The following PDE4D variants were observed in gnomAD, a reference collection of about 807,000 sequenced individuals.
The protein encoded by PDE4D is 3',5'-cyclic-AMP phosphodiesterase 4D.
Under a neutral mutation model 87.4 loss-of-function variants are expected in PDE4D, and 24 were observed. The ratio of observed to expected loss-of-function variants is 0.27; its 90% CI spans 0.20 to 0.39. The LOEUF is 0.39. Ranked by LOEUF, PDE4D falls within the 10% of genes least tolerant of loss-of-function variation. PDE4D has a pLI of 1.00. For missense variants in PDE4D, 714 were observed against 1,041.0 expected, an observed-to-expected ratio of 0.69 and a Z score of 4.32; for synonymous variants, 384 against 383.2, an observed-to-expected ratio of 1.00 and a Z score of -0.02.
chr5:60,261,872 C>T (rs1749678540), intron 1 of PDE4D, among the ~76,000 whole-genome samples: 2 of 151,948 alleles, frequency 1.3e-5, no homozygotes, highest in African/African-American at 4.8e-5. Flanking sequence ...CTTGAACATC[C>T]CCCAACCCTG....
At chr5:59,976,739 C>T (rs1425363879) in intron 3 of PDE4D, among the ~76,000 whole-genome samples, 1 of 152,176 alleles carries the variant, frequency 6.6e-6, no homozygotes, top group Non-Finnish European at 1.5e-5. Context: ...CTGCATCAAG[C>T]AAGTCTATTG....
intron 1 of PDE4D, among the ~76,000 whole-genome samples, chr5:59,699,798 GTAT>G (rs1349325671): frequency 6.6e-6 from 1 of 151,990 alleles, no homozygotes; most frequent in Non-Finnish European, 1.5e-5. Context: ...TAGCAAAAAG[GTAT>G]TTATTTTTTC....
chr5:58,974,104 T>C lies in PDE4D; in HGVS notation c.*560A>G. 1 of 152,562 alleles carries C rather than the reference T, an allele frequency of 6.6e-6. No individual in the cohort carries two copies. The highest frequency in any genetic ancestry group is 1.9e-4 in the East Asian group (1 of 5,196). The allele number at this position is 152,562 out of a possible 1,614,324, so 9.5% of individuals were successfully genotyped here. A position where few individuals can be genotyped will look rare whatever the true frequency, so the allele number is the denominator to read the frequency against. ...TACAAAAAATCTGTTTTACATATCA[T>C]ACAAAATGTAGAGGTCAGTGCAGCT... On this transcript the variant is annotated 3_prime_UTR_variant, in exon 15 of 15. Transcript: ENST00000340635.
chr5:59,949,094 A>ATG (rs58018730), intron 3 of PDE4D, among the ~76,000 whole-genome samples: 1 of 152,120 alleles, frequency 6.6e-6, no homozygotes, highest in East Asian at 1.9e-4. Flanking sequence ...ATATGTGTGC[A>ATG]TGTGTGTGTG....
chr5:60,318,514 T>C (rs1294333485), intron 1 of PDE4D, among the ~76,000 whole-genome samples: 5 of 152,250 alleles, frequency 3.3e-5, no homozygotes, highest in Non-Finnish European at 7.3e-5. Flanking sequence ...TGTGTGAATT[T>C]GATCCTGTCA....
intron 5 of PDE4D, among the ~76,000 whole-genome samples, chr5:59,170,062 G>T (rs576448877): frequency 6.6e-6 from 1 of 152,250 alleles, no homozygotes; most frequent in East Asian, 1.9e-4. Flanking sequence ...ACAGAGTTTT[G>T]CTCTGTAGCC....
At chr5:60,043,742 C>T (rs957421043) in intron 2 of PDE4D, among the ~76,000 whole-genome samples, 3 of 151,658 alleles carry the variant, frequency 2.0e-5, no homozygotes, top group South Asian at 2.1e-4. Context: ...CTTTTCTTTA[C>T]GTAGATTTCA....
chr5:59,478,652 T>C (rs1032834941), intron 1 of PDE4D, among the ~76,000 whole-genome samples: 1 of 152,106 alleles, frequency 6.6e-6, no homozygotes, highest in Admixed American at 6.6e-5. Context: ...ACACTAAATC[T>C]ACAGTTTTTG....
rs750080841 is a variant in PDE4D at position 59,471,060 on chromosome 5, A to G, written c.456-255092T>C. Among the ~76,000 whole-genome samples, 7 of 152,126 alleles carry G rather than the reference A, an allele frequency of 4.6e-5. No homozygotes were observed. The South Asian group carries it at 1.0e-3, about 23-fold the overall frequency. On this transcript the variant is annotated intron_variant, in intron 1 of 14. Transcript: ENST00000340635. ...AGTTTGAGACCAGGTTAGGCCACAT[A>G]TTGAGACCCTGTCTCTACTAAAAAT...
chr5:59,859,428 C>T (rs1029760759), intron 1 of PDE4D, among the ~76,000 whole-genome samples: 5 of 152,094 alleles, frequency 3.3e-5, no homozygotes, highest in East Asian at 1.9e-4. Context: ...CTTAGGCCTC[C>T]GACAGAAATC....
chr5:59,629,543 T>C (rs578241818), intron 1 of PDE4D, among the ~76,000 whole-genome samples: 15 of 152,050 alleles, frequency 9.9e-5, no homozygotes, highest in Non-Finnish European at 8.8e-5. Context: ...GAAAAGGACC[T>C]GAAACAGATC....
chr5:59,893,903 G>A (rs1751354043), upstream of PDE4D: 1 of 959,790 alleles, frequency 1.0e-6, no homozygotes, highest in Non-Finnish European at 1.3e-6. Context: ...GGTGCGCGGT[G>A]CCCGGTTTCG....
chr5:60,449,786 T>C (rs1745947695), intron 1 of PDE4D, among the ~76,000 whole-genome samples: 1 of 151,458 alleles, frequency 6.6e-6, no homozygotes, highest in South Asian at 2.1e-4. Flanking sequence ...GTCCTTTGGG[T>C]ATATACCCAG....
At chr5:60,459,957 TTCA>T (rs1196035855) in intron 1 of PDE4D, 48 of 759,342 alleles carry the variant, frequency 6.3e-5, no homozygotes, top group Non-Finnish European at 8.3e-5. Flanking sequence ...CTTCCTCCTC[TTCA>T]TCATCATCAT....
At chr5:60,334,739 T>C (rs1452268738) in intron 1 of PDE4D, among the ~76,000 whole-genome samples, 1 of 151,878 alleles carries the variant, frequency 6.6e-6, no homozygotes, top group African/African-American at 2.4e-5. Flanking sequence ...GAAACTAGTT[T>C]TCTTGTAAAC....
At chr5:59,025,930 T>C (rs1445504194) in intron 6 of PDE4D, among the ~76,000 whole-genome samples, 3 of 152,216 alleles carry the variant, frequency 2.0e-5, no homozygotes, top group Non-Finnish European at 2.9e-5. Flanking sequence ...TTGTCAGTAA[T>C]AAAAGCCAGA....
intron 1 of PDE4D, among the ~76,000 whole-genome samples, chr5:60,253,621 G>A (rs572989759): frequency 1.6e-4 from 24 of 151,932 alleles, no homozygotes; most frequent in African/African-American, 1.2e-4. Context: ...CCAAAAACGC[G>A]ATTATTACCA....
intron 1 of PDE4D, among the ~76,000 whole-genome samples, chr5:59,867,492 T>C (rs969847726): frequency 6.6e-6 from 1 of 152,068 alleles, no homozygotes; most frequent in South Asian, 2.1e-4. Context: ...CATGTGAGGG[T>C]AAGTTTGGTG....
intron 1 of PDE4D, among the ~76,000 whole-genome samples, chr5:59,521,785 C>T (rs1026767641): frequency 2.0e-5 from 3 of 152,132 alleles, no homozygotes; most frequent in Non-Finnish European, 2.9e-5. Flanking sequence ...TCCTGTAGCA[C>T]CTTCCACCTG....
Sources: allele counts gnomAD v4.1 joint callset (sites outside exome capture counted in the v4.1 genomes callset), GRCh38; gene constraint gnomAD v4.1.1; transcripts MANE v1.5; gene names NCBI Gene and HGNC (gene_info 2026-07-23, HGNC 2026-07-21).